Variants in HTR3B observed in about 807,000 individuals in gnomAD.
The protein encoded by HTR3B is 5-hydroxytryptamine receptor 3B.
A neutral mutation model predicts 42.8 loss-of-function variants in HTR3B; 44 were observed. The observed-to-expected ratio is 1.03, with a 90% confidence interval of 0.81 to 1.32. HTR3B has a LOEUF of 1.32. HTR3B is among the 40% of genes most tolerant of loss of function. The probability of loss-of-function intolerance (pLI) is 0.00; values close to 1 mark genes in which losing one functional copy is unlikely to be tolerated. For missense variants in HTR3B, 527 were observed against 536.5 expected, an observed-to-expected ratio of 0.98 and a Z score of 0.17; for synonymous variants, 203 against 209.0, an observed-to-expected ratio of 0.97 and a Z score of 0.25.
At position 113,931,859 on chromosome 11, in the gene HTR3B, C is replaced by T. The variant is rs1950038145; in HGVS notation, c.360C>T (p.Ile120=). Residue 120 remains isoleucine, a synonymous_variant, in exon 4 of 9, where the codon ATC becomes ATT. Coordinates refer to ENST00000260191, the MANE Select transcript of HTR3B (RefSeq NM_006028.5). ...CCATCTGGGCCCCCGATATCATCAT[C>T]AATGAGTTGTAAGTGTGCCAGTGTG... The part of the protein sequence containing the change: ...LSAIWAPDII[I]NEFVDIERYP... 1 of 1,566,070 alleles carries T rather than the reference C, an allele frequency of 6.4e-7. No homozygotes were observed. Among genetic ancestry groups the T allele is most frequent in the South Asian group, 1.1e-5 (1 of 90,112 alleles).
chr11:113,927,206 A>T (rs543324171), intron 2 of HTR3B, among the ~76,000 whole-genome samples: 1 of 152,244 alleles, frequency 6.6e-6, no homozygotes, highest in East Asian at 1.9e-4. Context: ...TGTTACCATC[A>T]CCGTGATTCA....
At chr11:113,908,080 T>C (rs1949747037) in intron 1 of HTR3B, among the ~76,000 whole-genome samples, 1 of 152,162 alleles carries the variant, frequency 6.6e-6, no homozygotes, top group East Asian at 1.9e-4. Flanking sequence ...GGGTGGATTG[T>C]TAGGGAGTTA....
intron 6 of HTR3B, among the ~76,000 whole-genome samples, chr11:113,933,305 AC>A (rs1280670319): frequency 1.3e-5 from 2 of 152,092 alleles, no homozygotes; most frequent in Non-Finnish European, 2.9e-5. Context: ...AAGATAACAG[AC>A]ACCAGAGGCC....
At position 113,909,325 on chromosome 11, in the gene HTR3B, A is replaced by G. The variant is rs776920303; in HGVS notation, c.83A>G (p.Gln28Arg). The G allele has an allele frequency of 6.2e-7, 1 of 1,612,878 alleles. No homozygotes were observed. Among genetic ancestry groups the G allele is most frequent in the Non-Finnish European group, 8.5e-7 (1 of 1,178,802 alleles). Residue 28 changes from glutamine to arginine, a missense_variant, in exon 2 of 9, where the codon CAG (glutamine) becomes CGG (arginine). Coordinates refer to ENST00000260191, the MANE Select transcript of HTR3B (RefSeq NM_006028.5). ...CTAGCCACAGATACACATCATCCCC[A>G]GGATTCTGCTCTGTATCATCTCAGC... ...GILATDTHHP[Q>R]DSALYHLSKQ... is the part of the protein sequence containing the mutation.
Position 113,942,601 on chromosome 11 carries a change from T to C in HTR3B, c.697-381T>C, listed in dbSNP as rs77887358. Among the ~76,000 whole-genome samples, 594 of 152,344 alleles carry C rather than the reference T, an allele frequency of 3.9e-3. 6 individuals carry two copies. Among genetic ancestry groups the C allele is most frequent in the African/African-American group, 0.014 (572 of 41,568 alleles). ...CTCTTTGAAACTCAGTTTCCTGGTTTGTAAAATGAAGTTAATGATACCTGT... is the reference window on the plus strand; with the variant it reads ...CTCTTTGAAACTCAGTTTCCTGGTTCGTAAAATGAAGTTAATGATACCTGT... On this transcript the variant is annotated intron_variant, in intron 6 of 8. Transcript: ENST00000260191.
intron 6 of HTR3B, among the ~76,000 whole-genome samples, chr11:113,934,280 C>T (rs1192184279): frequency 6.6e-5 from 10 of 151,878 alleles, no homozygotes; most frequent in Non-Finnish European, 8.8e-5. Flanking sequence ...CGCTTGAAGC[C>T]GGGAGGTGGA....
chr11:113,909,281 A>G lies in HTR3B; in HGVS notation c.53-14A>G. ...CTCTTACTTTTATCTTCACAATGAT[A>G]GTTTATTTTCCAGGAATTCTAGCCA... On this transcript the variant is annotated splice_polypyrimidine_tract_variant and intron_variant, in intron 1 of 8. Transcript: ENST00000260191. 1.9e-5 allele frequency: 30 copies of G among 1,605,358 alleles called. No homozygotes were observed. The highest frequency in any genetic ancestry group is 2.6e-5 in the Non-Finnish European group (30 of 1,172,070).
chr11:113,944,180 T>C (rs1446982267), intron 7 of HTR3B, among the ~76,000 whole-genome samples: 15 of 151,878 alleles, frequency 9.9e-5, no homozygotes, highest in Admixed American at 9.2e-4. Flanking sequence ...CCACCATGCC[T>C]GGCTAATTTT....
chr11:113,917,274 A>G (rs1949864146), intron 2 of HTR3B, among the ~76,000 whole-genome samples: 1 of 152,008 alleles, frequency 6.6e-6, no homozygotes, highest in Non-Finnish European at 1.5e-5. Context: ...CTGGGATTAC[A>G]GGTGCCTGCC....
chr11:113,917,524 C>G (rs923247466), intron 2 of HTR3B, among the ~76,000 whole-genome samples: 2 of 152,082 alleles, frequency 1.3e-5, no homozygotes, highest in African/African-American at 4.8e-5. Flanking sequence ...TTGTCTATTT[C>G]TCTCTTTGGT....
chr11:113,902,875 G>A (rs1203971193), upstream of HTR3B, among the ~76,000 whole-genome samples: 1 of 151,984 alleles, frequency 6.6e-6, no homozygotes, highest in Non-Finnish European at 1.5e-5. Flanking sequence ...GTGTGTGTGT[G>A]TTTTTGTTTT....
At chr11:113,918,392 AT>A (rs1949878140) in intron 2 of HTR3B, among the ~76,000 whole-genome samples, 1 of 151,936 alleles carries the variant, frequency 6.6e-6, no homozygotes, top group Non-Finnish European at 1.5e-5. Context: ...CCCAGGTGCT[AT>A]CCCTTTATAG....
At chr11:113,919,196 C>A (rs1949887881) in intron 2 of HTR3B, among the ~76,000 whole-genome samples, 1 of 152,060 alleles carries the variant, frequency 6.6e-6, no homozygotes, top group Non-Finnish European at 1.5e-5. Context: ...TTTCCATATT[C>A]ATCATTAACT....
intron 2 of HTR3B, among the ~76,000 whole-genome samples, chr11:113,925,095 G>C (rs892082967): frequency 6.6e-6 from 1 of 151,326 alleles, no homozygotes. Context: ...ACAATTCCAC[G>C]AGCACCATCA....
Position 113,945,891 on chromosome 11 carries a change from C to G in HTR3B, c.1091-11C>G, listed in dbSNP as rs1364279714. The G allele has an allele frequency of 6.2e-7, 1 of 1,604,670 alleles. No individual in the cohort carries two copies. Among genetic ancestry groups the G allele is most frequent in the Non-Finnish European group, 8.5e-7 (1 of 1,171,582 alleles). The stretch of plus-strand genomic sequence containing the variant: ...CCTGGCTCACCCAGGGTGTTTTCCT[C>G]CATCACACAGAGTCCTCGCTGTATG... On this transcript the variant is annotated splice_polypyrimidine_tract_variant and intron_variant, in intron 8 of 8. Coordinates refer to ENST00000260191, the MANE Select transcript of HTR3B (RefSeq NM_006028.5).
chr11:113,948,030 C>A lies in HTR3B; in HGVS notation c.*1893C>A, dbSNP rs7129190. On this transcript the variant is annotated 3_prime_UTR_variant, in exon 9 of 9. Transcript: ENST00000260191. ...TTTAAATTCAAACAGCCTTTACCTG[C>A]ATCTTCCCTCTCTCATTACCTCCCA... Among the ~76,000 whole-genome samples the A allele has an allele frequency of 0.55, 83,797 of 151,754 alleles. 23,420 individuals carry two copies. The highest frequency in any genetic ancestry group is 0.67 in the Middle Eastern group (196 of 294).
intron 7 of HTR3B, among the ~76,000 whole-genome samples, chr11:113,943,435 G>A (rs1166842875): frequency 6.6e-6 from 1 of 152,176 alleles, no homozygotes; most frequent in Non-Finnish European, 1.5e-5. Flanking sequence ...CTGGGCTCAA[G>A]CAATTCTCCT....
At chr11:113,926,196 A>G (rs1261631260) in intron 2 of HTR3B, among the ~76,000 whole-genome samples, 1 of 152,152 alleles carries the variant, frequency 6.6e-6, no homozygotes, top group African/African-American at 2.4e-5. Flanking sequence ...ATGCATCAGT[A>G]TTTTATTACT....
chr11:113,920,214 G>T (rs1333278685), intron 2 of HTR3B, among the ~76,000 whole-genome samples: 1 of 151,506 alleles, frequency 6.6e-6, no homozygotes, highest in African/African-American at 2.4e-5. Flanking sequence ...TTTTAGTAGA[G>T]ACTGGGTTTC....
Sources: gnomAD v4.1 joint callset for allele counts (sites outside exome capture counted in the v4.1 genomes callset) on GRCh38, gnomAD v4.1.1 for gene constraint, MANE v1.5 for transcripts, NCBI Gene and HGNC (gene_info 2026-07-23, HGNC 2026-07-21) for gene names.